NR2F1-AS1: variants seen among roughly 807,000 people sequenced by gnomAD.
The protein encoded by NR2F1-AS1 is NR2F1 antisense RNA 1.
chr5:93,483,690 C>A, intron 4 of NR2F1-AS1, among the ~76,000 whole-genome samples: 1 of 152,182 alleles, frequency 6.6e-6, no homozygotes, highest in Middle Eastern at 3.4e-3. Context: ...TGCAAGGAAG[C>A]TAAGAACCTT....
At position 93,579,951 on chromosome 5, in the gene NR2F1-AS1, G is replaced by A. The variant is rs1467342332; in HGVS notation, n.313+516C>T. Among the ~76,000 whole-genome samples the A allele has an allele frequency of 6.6e-6, 1 of 152,218 alleles. No individual in the cohort carries two copies. The highest frequency in any genetic ancestry group is 1.5e-5 in the Non-Finnish European group (1 of 68,040). On this transcript the variant is annotated intron_variant and non_coding_transcript_variant, in intron 1 of 5. Coordinates refer to ENST00000660523, the Ensembl canonical transcript of NR2F1-AS1. This position sits in a 1 kb window ranked among gnomAD's most constrained non-coding sequence, Gnocchi z 5.1. ...ATCGATCGCGTTACATTAGGGGATG[G>A]CGTTACAAACGGCGTCCGCAGGTGG...
chr5:93,494,999 A>T (rs1191864071), intron 4 of NR2F1-AS1, among the ~76,000 whole-genome samples: 1 of 152,206 alleles, frequency 6.6e-6, no homozygotes, highest in Non-Finnish European at 1.5e-5. Context: ...GCAAATCCAT[A>T]GCAATAGACA....
At chr5:93,522,667 G>A (rs1306815222) in intron 4 of NR2F1-AS1, among the ~76,000 whole-genome samples, 1 of 151,772 alleles carries the variant, frequency 6.6e-6, no homozygotes, top group South Asian at 2.1e-4. Context: ...ACTGGGACTG[G>A]TTAGACAGTG....
At chr5:93,451,114 G>T (rs1749820632) in intron 4 of NR2F1-AS1, among the ~76,000 whole-genome samples, 1 of 151,882 alleles carries the variant, frequency 6.6e-6, no homozygotes, top group Non-Finnish European at 1.5e-5. Context: ...CACTGTCATT[G>T]AGATAATCTA....
At chr5:93,417,741 C>A (rs993710924) in intron 4 of NR2F1-AS1, among the ~76,000 whole-genome samples, 2 of 152,166 alleles carry the variant, frequency 1.3e-5, no homozygotes, top group Non-Finnish European at 2.9e-5. Context: ...GCACTTGTTT[C>A]TGATGCAGAT....
intron 2 of NR2F1-AS1, among the ~76,000 whole-genome samples, chr5:93,556,427 TA>T (rs1752357484): frequency 6.6e-6 from 1 of 152,166 alleles, no homozygotes; most frequent in Non-Finnish European, 1.5e-5. Flanking sequence ...TAACCACTAC[TA>T]AAGAGTTTTC....
intron 2 of NR2F1-AS1, among the ~76,000 whole-genome samples, chr5:93,561,075 A>T (rs2149919393): frequency 6.6e-6 from 1 of 152,268 alleles, no homozygotes; most frequent in South Asian, 2.1e-4. Context: ...GGAGTTCGAG[A>T]CCAGCCTAAC....
intron 1 of NR2F1-AS1, among the ~76,000 whole-genome samples, chr5:93,565,430 T>G (rs1752596046): frequency 6.6e-6 from 1 of 152,100 alleles, no homozygotes; most frequent in South Asian, 2.1e-4. Context: ...TTATTTAAAT[T>G]TATTTACATC....
chr5:93,548,868 C>A (rs948297913), intron 4 of NR2F1-AS1, among the ~76,000 whole-genome samples: 12 of 152,008 alleles, frequency 7.9e-5, no homozygotes, highest in African/African-American at 2.9e-4. Context: ...TGAGAATCTG[C>A]CTCAAGAAAA....
chr5:93,553,457 T>C (rs1752278988), intron 4 of NR2F1-AS1, among the ~76,000 whole-genome samples: 1 of 152,216 alleles, frequency 6.6e-6, no homozygotes, highest in Admixed American at 6.5e-5. Flanking sequence ...CAGTATGTAT[T>C]CAAATAAGAG....
At chr5:93,521,389 G>C (rs1751498515) in intron 4 of NR2F1-AS1, among the ~76,000 whole-genome samples, 1 of 152,120 alleles carries the variant, frequency 6.6e-6, no homozygotes. Flanking sequence ...AAGAGCTTCT[G>C]CACAGCAAAA....
At chr5:93,455,296 T>C (rs765751768) in intron 4 of NR2F1-AS1, among the ~76,000 whole-genome samples, 9 of 152,184 alleles carry the variant, frequency 5.9e-5, no homozygotes, top group Non-Finnish European at 1.3e-4. Context: ...CTAGCAACAT[T>C]GTAAGATTCT....
At chr5:93,530,823 T>C (rs1751721364) in intron 4 of NR2F1-AS1, among the ~76,000 whole-genome samples, 1 of 152,194 alleles carries the variant, frequency 6.6e-6, no homozygotes, top group East Asian at 1.9e-4. Context: ...GGTTATATCC[T>C]TCATTTACTA....
intron 1 of NR2F1-AS1, among the ~76,000 whole-genome samples, chr5:93,573,132 C>T (rs1752813524): frequency 6.6e-6 from 1 of 152,226 alleles, no homozygotes; most frequent in African/African-American, 2.4e-5. Context: ...CGTTTTTGCG[C>T]AGAGAAGTAG....
intron 4 of NR2F1-AS1, chr5:93,411,281 G>A (rs1048404162): frequency 1.3e-5 from 2 of 152,228 alleles, no homozygotes; most frequent in African/African-American, 4.8e-5. Context: ...GGCTAGCTTC[G>A]ATCTTTTCTG....
intron 4 of NR2F1-AS1, among the ~76,000 whole-genome samples, chr5:93,480,158 C>G (rs570062660): frequency 6.6e-6 from 1 of 151,988 alleles, no homozygotes; most frequent in Non-Finnish European, 1.5e-5. Flanking sequence ...GCTACACATC[C>G]AGGAATCTCA....
At chr5:93,505,898 C>T (rs1431417561) in intron 4 of NR2F1-AS1, among the ~76,000 whole-genome samples, 1 of 152,206 alleles carries the variant, frequency 6.6e-6, no homozygotes, top group Non-Finnish European at 1.5e-5. Flanking sequence ...TAACATTAGG[C>T]TCCTTGCTAC....
chr5:93,483,897 G>C (rs186957295), intron 4 of NR2F1-AS1, among the ~76,000 whole-genome samples: 51 of 152,152 alleles, frequency 3.4e-4, no homozygotes, highest in Admixed American at 3.0e-3. Context: ...GACATGATTA[G>C]AGAAAAAAGA....
chr5:93,442,926 A>T (rs192653529), intron 4 of NR2F1-AS1, among the ~76,000 whole-genome samples: 5 of 152,348 alleles, frequency 3.3e-5, no homozygotes, highest in Admixed American at 3.3e-4. Context: ...ACCCAGGCAA[A>T]CAGGGTCTGG....
Sources: allele counts gnomAD v4.1 joint callset (sites outside exome capture counted in the v4.1 genomes callset), GRCh38; gene constraint gnomAD v4.1.1; non-coding constraint Gnocchi (gnomAD v3.1); transcripts MANE v1.5; gene names NCBI Gene and HGNC (gene_info 2026-07-23, HGNC 2026-07-21).